The following OR51A4 variants were observed in gnomAD, a reference collection of about 807,000 sequenced individuals.
OR51A4 encodes the protein olfactory receptor family 51 subfamily A member 4.
For synonymous variants in OR51A4, 96 were observed against 141.5 expected (o/e 0.68, Z 2.28); for missense variants, 243 against 364.0 (o/e 0.67, Z 2.70).
Position 4,945,868 on chromosome 11 carries a change from T to C in OR51A4, c.*291A>G. 2 of 411,274 alleles carry C rather than the reference T, an allele frequency of 4.9e-6. No individual in the cohort carries two copies. The highest frequency in any genetic ancestry group is 4.4e-6 in the Non-Finnish European group (1 of 225,644). 25.5% of individuals were successfully genotyped at this position (411,274 alleles called of 1,614,324 possible). A position where few individuals can be genotyped will look rare whatever the true frequency, so the allele number is the denominator to read the frequency against. On this transcript the variant is annotated 3_prime_UTR_variant, in exon 2 of 2. Coordinates refer to ENST00000641898, the MANE Select transcript of OR51A4 (RefSeq NM_001005329.2). The stretch of plus-strand genomic sequence containing the variant: ...TAGATAATGAGAAATCCAACTTCTG[T>C]CAGAGCTGTAAAAATTATCATTTTT...
Position 4,943,473 on chromosome 11 carries a change from C to G in OR51A4, c.*2686G>C. The G allele has an allele frequency of 2.2e-6, 1 of 456,068 alleles. No homozygotes were observed. The highest frequency in any genetic ancestry group is 4.4e-6 in the Non-Finnish European group (1 of 226,600). The allele number at this position is 456,068 out of a possible 1,614,324, so 28.3% of individuals were successfully genotyped here. A position where few individuals can be genotyped will look rare whatever the true frequency, so the allele number is the denominator to read the frequency against. ...TTAATCATTTGTTATTTGATAGTTA[C>G]ATTTAGACTAAGGTTTTTTTAATGC... On this transcript the variant is annotated 3_prime_UTR_variant, in exon 2 of 2. Transcript: ENST00000641898.
Position 4,944,551 on chromosome 11 carries a change from G to A in OR51A4, c.*1608C>T, listed in dbSNP as rs192030730. The A allele has an allele frequency of 1.3e-5, 2 of 152,358 alleles. No homozygotes were observed. The highest frequency in any genetic ancestry group is 4.8e-5 in the African/African-American group (2 of 41,550). The allele number at this position is 152,358 out of a possible 1,614,324, so 9.4% of individuals were successfully genotyped here. On this transcript the variant is annotated 3_prime_UTR_variant, in exon 2 of 2. Coordinates refer to ENST00000641898, the MANE Select transcript of OR51A4 (RefSeq NM_001005329.2). ...TTGTGGGCTGATTATTATTTTTTAA[G>A]CATTTGACATTCCTGGAAGGTGTTT...
chr11:4,943,575 C>A lies in OR51A4; in HGVS notation c.*2584G>T. ...CTGTACATTAAAGAATGGTTAGTAG[C>A]GTCTCCGGCCTCTAATCAGTGGAAG... On this transcript the variant is annotated 3_prime_UTR_variant, in exon 2 of 2. Transcript: ENST00000641898. The A allele has an allele frequency of 4.7e-6, 2 of 426,052 alleles. No homozygotes were observed. The highest frequency in any genetic ancestry group is 1.7e-5 in the South Asian group (1 of 59,214). The allele number at this position is 426,052 out of a possible 1,614,324, so 26.4% of individuals were successfully genotyped here.
rs115841226 is a variant in OR51A4 at position 4,946,420 on chromosome 11, C to A, written c.681G>T (p.Leu227=). ...VSYTLILKTV[L]GIASKKEQLK... is the part of the protein sequence containing the mutation. ...GCTGCTCCTTTTTGGATGCAATTCC[C>A]AGTACAGTCTTGAGGATCAGGGTGT... Residue 227 remains leucine, a synonymous_variant, in exon 2 of 2, where the codon CTG becomes CTT. Transcript: ENST00000641898. The A allele has an allele frequency of 6.2e-7, 1 of 1,609,596 alleles. No individual in the cohort carries two copies. Among genetic ancestry groups the A allele is most frequent in the Non-Finnish European group, 8.5e-7 (1 of 1,176,550 alleles).
In OR51A4 at chr11:4,943,610, C is replaced by T. The variant is rs112030333; in HGVS notation, c.*2549G>A. The T allele has an allele frequency of 0.018, 7,062 of 385,512 alleles. 93 individuals carry two copies. The highest frequency in any genetic ancestry group is 0.044 in the Middle Eastern group (120 of 2,736). The allele number at this position is 385,512 out of a possible 1,614,324, so 23.9% of individuals were successfully genotyped here. On this transcript the variant is annotated 3_prime_UTR_variant, in exon 2 of 2. Transcript: ENST00000641898. ...CTCTAATCAGTGGAAGTCAGTGACACACCCACACCCCCAGGTTGCAACAAC... is the reference window on the plus strand; with the variant it reads ...CTCTAATCAGTGGAAGTCAGTGACATACCCACACCCCCAGGTTGCAACAAC...
Position 4,943,076 on chromosome 11 carries a change from G to A in OR51A4, c.*3083C>T, listed in dbSNP as rs1846239223. On this transcript the variant is annotated 3_prime_UTR_variant, in exon 2 of 2. Transcript: ENST00000641898. ...CACCTAATTCACATATTCTCTGCTT[G>A]GACTAAATGATGCTCCCCTTCGTCC... is the stretch of plus-strand genomic sequence containing the variant. 4.4e-5 allele frequency: 7 copies of A among 158,352 alleles called. No homozygotes were observed. The South Asian group carries it at 1.3e-3, about 30-fold the overall frequency. The allele number at this position is 158,352 out of a possible 1,614,324, so 9.8% of individuals were successfully genotyped here. A position where few individuals can be genotyped will look rare whatever the true frequency, so the allele number is the denominator to read the frequency against.
rs7947453 is a variant in OR51A4, at chr11:4,945,977, A to G, written c.*182T>C. On this transcript the variant is annotated 3_prime_UTR_variant, in exon 2 of 2. Coordinates refer to ENST00000641898, the MANE Select transcript of OR51A4 (RefSeq NM_001005329.2). ...TATTCTGCTTAACTGAAATGGGGAC[A>G]TAAGGCAACGTACTTCCTGTTTATA... The G allele has an allele frequency of 1.6e-3, 1,027 of 628,532 alleles. 11 individuals are homozygous for G. The African/African-American group carries it at 0.018, about 11-fold the overall frequency. 38.9% of individuals were successfully genotyped at this position (628,532 alleles called of 1,614,324 possible). A position where few individuals can be genotyped will look rare whatever the true frequency, so the allele number is the denominator to read the frequency against.
rs1394243255 is a variant in OR51A4 at position 4,944,913 on chromosome 11, G to C, written c.*1246C>G. 1 of 151,678 alleles carries C rather than the reference G, an allele frequency of 6.6e-6. No homozygotes were observed. The highest frequency in any genetic ancestry group is 1.5e-5 in the Non-Finnish European group (1 of 67,940). The allele number at this position is 151,678 out of a possible 1,614,324, so 9.4% of individuals were successfully genotyped here. On this transcript the variant is annotated 3_prime_UTR_variant, in exon 2 of 2. Coordinates refer to ENST00000641898, the MANE Select transcript of OR51A4 (RefSeq NM_001005329.2). The stretch of plus-strand genomic sequence containing the variant: ...AGTGAACATCTTTTTCAACAAACAT[G>C]GTCTTATTTTTAAATTCATTCATTA...
rs539430251 is a variant in OR51A4, at chr11:4,945,357, G to C, written c.*802C>G. 6.6e-6 allele frequency: 1 copy of C among 152,296 alleles called. No individual in the cohort carries two copies. Among genetic ancestry groups the C allele is most frequent in the African/African-American group, 2.4e-5 (1 of 41,580 alleles). The allele number at this position is 152,296 out of a possible 1,614,324, so 9.4% of individuals were successfully genotyped here. Reference sequence around the variant, plus strand: ...GCTCTGTAAATTCAAAAACTGTTCAGTAGGTTGATGTGGCTGGAGATTAAT... The same window carrying C: ...GCTCTGTAAATTCAAAAACTGTTCACTAGGTTGATGTGGCTGGAGATTAAT... On this transcript the variant is annotated 3_prime_UTR_variant, in exon 2 of 2. Transcript: ENST00000641898.
Position 4,943,554 on chromosome 11 carries a change from A to T in OR51A4, c.*2605T>A, listed in dbSNP as rs2605302. The stretch of plus-strand genomic sequence containing the variant: ...TTCTTTTGGGTAAGGGCTATCCTGT[A>T]CATTAAAGAATGGTTAGTAGCGTCT... On this transcript the variant is annotated 3_prime_UTR_variant, in exon 2 of 2. Coordinates refer to ENST00000641898, the MANE Select transcript of OR51A4 (RefSeq NM_001005329.2). 0.84 allele frequency: 379,425 copies of T among 449,380 alleles called. 160,666 individuals are homozygous for T. Among genetic ancestry groups the T allele is most frequent in the Admixed American group, 0.9 (37,640 of 41,596 alleles). 27.8% of individuals were successfully genotyped at this position (449,380 alleles called of 1,614,324 possible). A position where few individuals can be genotyped will look rare whatever the true frequency, so the allele number is the denominator to read the frequency against.
chr11:4,943,991 A>T lies in OR51A4; in HGVS notation c.*2168T>A, dbSNP rs1846256394. 2.4e-6 allele frequency: 1 copy of T among 413,778 alleles called. No individual in the cohort carries two copies. The highest frequency in any genetic ancestry group is 4.8e-6 in the Non-Finnish European group (1 of 210,134). The allele number at this position is 413,778 out of a possible 1,614,324, so 25.6% of individuals were successfully genotyped here. A position where few individuals can be genotyped will look rare whatever the true frequency, so the allele number is the denominator to read the frequency against. On this transcript the variant is annotated 3_prime_UTR_variant, in exon 2 of 2. Coordinates refer to ENST00000641898, the MANE Select transcript of OR51A4 (RefSeq NM_001005329.2). ...TCTTTTTAGTGGAAATGAAGTCTTCATATTGGGCTGCCTATCCGCACACTG... is the reference window on the plus strand; with the variant it reads ...TCTTTTTAGTGGAAATGAAGTCTTCTTATTGGGCTGCCTATCCGCACACTG...
At position 4,945,823 on chromosome 11, in the gene OR51A4, T is replaced by C; in HGVS notation, c.*336A>G. On this transcript the variant is annotated 3_prime_UTR_variant, in exon 2 of 2. Transcript: ENST00000641898. ...AATTTAGGTCTAGCATTAAAAGAAC[T>C]TGGTATAAGAGATTGAATGTAGATA... 1 of 305,254 alleles carries C rather than the reference T, an allele frequency of 3.3e-6. No individual in the cohort carries two copies. Among genetic ancestry groups the C allele is most frequent in the Non-Finnish European group, 6.1e-6 (1 of 163,544 alleles). 18.9% of individuals were successfully genotyped at this position (305,254 alleles called of 1,614,324 possible).
In OR51A4 at chr11:4,944,983, C is replaced by T. The variant is rs572762754; in HGVS notation, c.*1176G>A. On this transcript the variant is annotated 3_prime_UTR_variant, in exon 2 of 2. Coordinates refer to ENST00000641898, the MANE Select transcript of OR51A4 (RefSeq NM_001005329.2). ...TACTCTGCATCAGAAGTGTCCTAGA[C>T]ATTAGGCAGGAAAAAATAAGAAAAT... is the stretch of plus-strand genomic sequence containing the variant. 26 of 152,070 alleles carry T rather than the reference C, an allele frequency of 1.7e-4. No homozygotes were observed. Among genetic ancestry groups the T allele is most frequent in the Non-Finnish European group, 2.9e-4 (20 of 67,980 alleles). The allele number at this position is 152,070 out of a possible 1,614,324, so 9.4% of individuals were successfully genotyped here. A position where few individuals can be genotyped will look rare whatever the true frequency, so the allele number is the denominator to read the frequency against.
At position 4,945,647 on chromosome 11, in the gene OR51A4, T is replaced by A. The variant is rs1846284063; in HGVS notation, c.*512A>T. The A allele has an allele frequency of 6.2e-6, 1 of 162,548 alleles. No homozygotes were observed. The highest frequency in any genetic ancestry group is 1.4e-5 in the Non-Finnish European group (1 of 73,962). 10.1% of individuals were successfully genotyped at this position (162,548 alleles called of 1,614,324 possible). A position where few individuals can be genotyped will look rare whatever the true frequency, so the allele number is the denominator to read the frequency against. ...AAGAGTGAAAGAGGCAGGATTGGAC[T>A]GAAAAACTATCTATTGGGTACTATG... On this transcript the variant is annotated 3_prime_UTR_variant, in exon 2 of 2. Coordinates refer to ENST00000641898, the MANE Select transcript of OR51A4 (RefSeq NM_001005329.2).
In OR51A4 at chr11:4,946,745, A is replaced by G. The variant is rs1846315751; in HGVS notation, c.356T>C (p.Ile119Thr). The G allele has an allele frequency of 5.0e-6, 8 of 1,589,294 alleles. No homozygotes were observed. The highest frequency in any genetic ancestry group is 4.5e-5 in the East Asian group (2 of 44,868). ...GGCTAGGAATCTATCAAATGACATG[A>G]TCAGGAGGACTGAGGACTCCAGTAC... ...FSVLESSVLL[I>T]MSFDRFLAIH... The change falls in exon 2 of 2, where the codon ATC becomes ACC. Residue 119 changes from isoleucine to threonine, a missense_variant. Coordinates refer to ENST00000641898, the MANE Select transcript of OR51A4 (RefSeq NM_001005329.2).
rs1846279713 is a variant in OR51A4 at position 4,945,406 on chromosome 11, G to C, written c.*753C>G. 1 of 152,198 alleles carries C rather than the reference G, an allele frequency of 6.6e-6. No individual in the cohort carries two copies. Among genetic ancestry groups the C allele is most frequent in the Admixed American group, 6.6e-5 (1 of 15,254 alleles). The allele number at this position is 152,198 out of a possible 1,614,324, so 9.4% of individuals were successfully genotyped here. A position where few individuals can be genotyped will look rare whatever the true frequency, so the allele number is the denominator to read the frequency against. On this transcript the variant is annotated 3_prime_UTR_variant, in exon 2 of 2. Transcript: ENST00000641898. ...ATGAGTATCTGACGACGTTGAGTAA[G>C]TAGAAAGGGTCCAGGCCATGTAGGG...
In OR51A4 at chr11:4,945,861, A is replaced by G. The variant is rs1846290836; in HGVS notation, c.*298T>C. ...TTGAATGTAGATAATGAGAAATCCAACTTCTGTCAGAGCTGTAAAAATTAT... is the reference window on the plus strand; with the variant it reads ...TTGAATGTAGATAATGAGAAATCCAGCTTCTGTCAGAGCTGTAAAAATTAT... On this transcript the variant is annotated 3_prime_UTR_variant, in exon 2 of 2. Transcript: ENST00000641898. 1 of 392,970 alleles carries G rather than the reference A, an allele frequency of 2.5e-6. No individual in the cohort carries two copies. The highest frequency in any genetic ancestry group is 2.1e-5 in the African/African-American group (1 of 48,760). The allele number at this position is 392,970 out of a possible 1,614,324, so 24.3% of individuals were successfully genotyped here.
rs1294662073 is a variant in OR51A4 at position 4,944,761 on chromosome 11, G to A, written c.*1398C>T. On this transcript the variant is annotated 3_prime_UTR_variant, in exon 2 of 2. Coordinates refer to ENST00000641898, the MANE Select transcript of OR51A4 (RefSeq NM_001005329.2). ...GCCACAAATCCAAGGCAATAAATTT[G>A]TCTTTAACATCATATCTTTTTTTTT... The A allele has an allele frequency of 6.6e-6, 1 of 151,854 alleles. No individual in the cohort carries two copies. Among genetic ancestry groups the A allele is most frequent in the East Asian group, 1.9e-4 (1 of 5,176 alleles). 9.4% of individuals were successfully genotyped at this position (151,854 alleles called of 1,614,324 possible).
rs1470213830 is a variant in OR51A4, at chr11:4,945,387, A to G, written c.*772T>C. On this transcript the variant is annotated 3_prime_UTR_variant, in exon 2 of 2. Coordinates refer to ENST00000641898, the MANE Select transcript of OR51A4 (RefSeq NM_001005329.2). Reference sequence around the variant, plus strand: ...TTGATGTGGCTGGAGATTAATGAGTATCTGACGACGTTGAGTAAGTAGAAA... The same window carrying G: ...TTGATGTGGCTGGAGATTAATGAGTGTCTGACGACGTTGAGTAAGTAGAAA... 4 of 152,222 alleles carry G rather than the reference A, an allele frequency of 2.6e-5. No homozygotes were observed. Among genetic ancestry groups the G allele is most frequent in the Admixed American group, 6.5e-5 (1 of 15,272 alleles). 9.4% of individuals were successfully genotyped at this position (152,222 alleles called of 1,614,324 possible).
Sources: gnomAD v4.1 joint callset for allele counts on GRCh38, gnomAD v4.1.1 for gene constraint, MANE v1.5 for transcripts, NCBI Gene and HGNC (gene_info 2026-07-23, HGNC 2026-07-21) for gene names.